The following HDAC9 variants were observed in gnomAD, a reference collection of about 807,000 sequenced individuals.
HDAC9 encodes histone deacetylase 9.
A neutral mutation model predicts 139.4 loss-of-function variants in HDAC9; 41 were observed. That is an observed-to-expected ratio of 0.29 (90% CI 0.23 to 0.38). The LOEUF (loss-of-function observed/expected upper bound fraction) is 0.38. Among genes scored for constraint, HDAC9 ranks in the 10% least tolerant of loss-of-function variants. HDAC9 has a pLI of 1.00. For synonymous variants in HDAC9, 517 were observed against 476.2 expected, an observed-to-expected ratio of 1.09 and a Z score of -1.12; for missense variants, 1,147 against 1,297.0, an observed-to-expected ratio of 0.88 and a Z score of 1.78.
chr7:18,643,426 A>G (rs977750282), intron 8 of HDAC9, among the ~76,000 whole-genome samples: 2 of 152,132 alleles, frequency 1.3e-5, no homozygotes, highest in African/African-American at 2.4e-5. Flanking sequence ...AATCTGAACT[A>G]GCTTTGAGTT....
intron 2 of HDAC9, among the ~76,000 whole-genome samples, chr7:18,519,837 G>T (rs1407343366): frequency 2.0e-5 from 3 of 151,986 alleles, no homozygotes; most frequent in African/African-American, 7.2e-5. Flanking sequence ...AAAACTGAGG[G>T]CAATCTAACT....
intron 6 of HDAC9, among the ~76,000 whole-genome samples, chr7:18,604,668 G>T (rs1197627299): frequency 1.3e-5 from 2 of 151,928 alleles, no homozygotes; most frequent in African/African-American, 4.8e-5. Flanking sequence ...CAAAGTGCTG[G>T]GATTACAGGC....
At chr7:18,678,837 T>C (rs1280459804) in intron 12 of HDAC9, among the ~76,000 whole-genome samples, 2 of 151,988 alleles carry the variant, frequency 1.3e-5, no homozygotes, top group Non-Finnish European at 2.9e-5. Flanking sequence ...ACAATTTAAA[T>C]TTGCTGTCTT....
chr7:18,208,125 T>C lies in HDAC9; in HGVS notation c.25+45776T>C, dbSNP rs546483190. ...TTCTCATACGTATGCTTAGTAGTAC[T>C]TTCGTTTCAAAGAACTAGCTTACCT... On this transcript the variant is annotated intron_variant, in intron 2 of 12. Coordinates refer to the HDAC9 transcript ENST00000417496. 2.0e-5 allele frequency among the ~76,000 whole-genome samples: 3 copies of C among 152,310 alleles called. No individual in the cohort carries two copies. The South Asian group carries it at 6.2e-4, about 32-fold the overall frequency.
At chr7:18,655,249 C>T (rs1790727806) in intron 11 of HDAC9, among the ~76,000 whole-genome samples, 1 of 152,206 alleles carries the variant, frequency 6.6e-6, no homozygotes, top group African/African-American at 2.4e-5. Context: ...CATGCAGGGT[C>T]TTTTAATCAC....
At chr7:18,975,305 A>C (rs74806551) in intron 24 of HDAC9, among the ~76,000 whole-genome samples, 3,109 of 152,326 alleles carry the variant, frequency 0.02, 93 homozygotes, top group African/African-American at 0.07. Context: ...AACAAACCTG[A>C]TTGTTCTGGC....
intron 1 of HDAC9, among the ~76,000 whole-genome samples, chr7:18,294,928 A>G (rs1798045377): frequency 6.6e-6 from 1 of 152,120 alleles, no homozygotes; most frequent in African/African-American, 2.4e-5. Context: ...ATTGGATGTC[A>G]TTGGGGAGCA....
intron 8 of HDAC9, among the ~76,000 whole-genome samples, chr7:18,636,879 T>A (rs1224631673): frequency 6.6e-6 from 1 of 151,982 alleles, no homozygotes. Flanking sequence ...GGTTACAATT[T>A]TTTTTTTCAA....
intron 16 of HDAC9, among the ~76,000 whole-genome samples, chr7:18,789,381 A>G (rs184309161): frequency 4.6e-5 from 7 of 152,268 alleles, no homozygotes; most frequent in African/African-American, 1.7e-4. Context: ...GGAGAGACAA[A>G]GGAGAATTTA....
intron 1 of HDAC9, among the ~76,000 whole-genome samples, chr7:18,442,997 T>C (rs984106577): frequency 6.6e-6 from 1 of 152,232 alleles, no homozygotes; most frequent in Non-Finnish European, 1.5e-5. Context: ...ATCTGAATTA[T>C]TCTCTCAAAA....
chr7:18,270,026 G>A (rs964721820), intron 2 of HDAC9, among the ~76,000 whole-genome samples: 13 of 152,020 alleles, frequency 8.6e-5, no homozygotes, highest in Non-Finnish European at 1.5e-4. Flanking sequence ...TGTTGTGTTC[G>A]TTATAGGAGG....
chr7:18,737,629 TA>T (rs1385230494), intron 13 of HDAC9, among the ~76,000 whole-genome samples: 3 of 152,220 alleles, frequency 2.0e-5, no homozygotes, highest in Non-Finnish European at 4.4e-5. Flanking sequence ...ACAAACAGTT[TA>T]TTGTGATTTC....
intron 1 of HDAC9, among the ~76,000 whole-genome samples, chr7:18,307,947 G>GT (rs1181593985): frequency 6.6e-6 from 1 of 152,126 alleles, no homozygotes; most frequent in Non-Finnish European, 1.5e-5. Flanking sequence ...TGCACCAATG[G>GT]TTCTCCATCT....
intron 1 of HDAC9, among the ~76,000 whole-genome samples, chr7:18,384,475 C>G (rs886946321): frequency 9.3e-4 from 141 of 152,134 alleles, no homozygotes; most frequent in African/African-American, 3.3e-3. Flanking sequence ...GAGTGCCTGT[C>G]AAAATTATGA....
At chr7:18,331,781 C>T (rs1168479565) in intron 1 of HDAC9, among the ~76,000 whole-genome samples, 1 of 151,470 alleles carries the variant, frequency 6.6e-6, no homozygotes, top group Non-Finnish European at 1.5e-5. Context: ...TAGAACTGTC[C>T]TTTTAAATGC....
chr7:18,591,727 C>G, intron 5 of HDAC9, 85 bp downstream of exon 5: 1 of 1,519,050 alleles, frequency 6.6e-7, no homozygotes, highest in Non-Finnish European at 8.9e-7. Context: ...CATCCTTAGC[C>G]TGCCATTTCT....
chr7:18,226,601 A>G (rs1346415883), intron 2 of HDAC9, among the ~76,000 whole-genome samples: 1 of 152,188 alleles, frequency 6.6e-6, no homozygotes, highest in East Asian at 1.9e-4. Flanking sequence ...GAGTTGATGA[A>G]AAAGGAAGTA....
chr7:18,502,090 C>T (rs944033775), intron 2 of HDAC9, among the ~76,000 whole-genome samples: 1 of 152,102 alleles, frequency 6.6e-6, no homozygotes, highest in Admixed American at 6.6e-5. Context: ...TGACTTGTAG[C>T]AGTTCCAAGC....
chr7:18,935,440 A>T (rs974709264), intron 22 of HDAC9, among the ~76,000 whole-genome samples: 1 of 152,202 alleles, frequency 6.6e-6, no homozygotes. Context: ...TGATAGCGAC[A>T]GGAAGCATAT....
Sources: gnomAD v4.1 joint callset for allele counts (sites outside exome capture counted in the v4.1 genomes callset) on GRCh38, gnomAD v4.1.1 for gene constraint, MANE v1.5 for transcripts, NCBI Gene and HGNC (gene_info 2026-07-23, HGNC 2026-07-21) for gene names.